Variants in STS observed in about 807,000 individuals in gnomAD.
The protein encoded by STS is steroid sulfatase.
STS carries 7 observed loss-of-function variants against 26.8 expected under a neutral mutation model. That is an observed-to-expected ratio of 0.26 (90% CI 0.15 to 0.49). STS has a LOEUF of 0.49. STS is among the 20% of genes least tolerant of loss of function. The pLI is 0.98. For synonymous variants in STS, 199 were observed against 189.4 expected (o/e 1.05, Z -0.42); for missense variants, 434 against 465.6 (o/e 0.93, Z 0.63).
intron 1 of STS, among the ~76,000 whole-genome samples, chrX:7,156,523 T>C (rs1601618340): frequency 9.0e-6 from 1 of 111,605 alleles, no homozygotes; most frequent in Non-Finnish European, 1.9e-5. Flanking sequence ...ACAATAACAT[T>C]TGGAAGCATC....
intron 7 of STS, among the ~76,000 whole-genome samples, chrX:7,283,550 C>CT: frequency 9.0e-6 from 1 of 111,466 alleles, no homozygotes; most frequent in Admixed American, 9.6e-5. Flanking sequence ...CAAGGGATGA[C>CT]TTACCAGGCT....
At chrX:7,153,358 TCTC>T (rs1371763527) in intron 1 of STS, among the ~76,000 whole-genome samples, 10 of 81,381 alleles carry the variant, frequency 1.2e-4, no homozygotes, top group Non-Finnish European at 2.1e-4. Flanking sequence ...TCCTTCCAGT[TCTC>T]CTCCTCCACT....
chrX:7,301,721 CT>C (rs1317637102), intron 7 of STS, among the ~76,000 whole-genome samples: 1 of 111,683 alleles, frequency 9.0e-6, no homozygotes, highest in Non-Finnish European at 1.9e-5. Flanking sequence ...CTCATCCCTC[CT>C]TTCTCCCAAG....
At chrX:7,148,771 A>G (rs1351135026) in intron 1 of STS, among the ~76,000 whole-genome samples, 1 of 112,411 alleles carries the variant, frequency 8.9e-6, no homozygotes, top group Non-Finnish European at 1.9e-5. Context: ...ATCTCTGAGC[A>G]TCCCAGGCTG....
intron 8 of STS, among the ~76,000 whole-genome samples, chrX:7,307,024 G>T (rs1687790916): frequency 9.0e-6 from 1 of 111,144 alleles, no homozygotes; most frequent in African/African-American, 3.3e-5. Context: ...GACCGGCTGA[G>T]CACCCATGGG....
At chrX:7,190,417 C>T (rs1328713532) in intron 1 of STS, among the ~76,000 whole-genome samples, 1 of 111,388 alleles carries the variant, frequency 9.0e-6, no homozygotes, top group Non-Finnish European at 1.9e-5. Flanking sequence ...CTTGGCTCAC[C>T]TGTTGTTTAC....
At chrX:7,280,658 A>G (rs950017825) in intron 7 of STS, among the ~76,000 whole-genome samples, 3 of 111,733 alleles carry the variant, frequency 2.7e-5, no homozygotes, top group Non-Finnish European at 5.6e-5. Context: ...TGTAGTTCTC[A>G]CCGGGGGTTT....
chrX:7,266,628 G>C (rs1290049752), intron 6 of STS, among the ~76,000 whole-genome samples: 5 of 112,077 alleles, frequency 4.5e-5, no homozygotes, highest in African/African-American at 1.6e-4. Context: ...CAGGAGATGG[G>C]TCATCCTGAA....
chrX:7,226,280 C>G (rs1739975643), intron 2 of STS, among the ~76,000 whole-genome samples: 1 of 111,954 alleles, frequency 8.9e-6, no homozygotes, highest in Non-Finnish European at 1.9e-5. Context: ...CTCTTTCACT[C>G]AACATAATGT....
At chrX:7,163,036 G>A (rs1255510188) in intron 1 of STS, among the ~76,000 whole-genome samples, 3 of 90,142 alleles carry the variant, frequency 3.3e-5, no homozygotes, top group African/African-American at 1.3e-4. Context: ...CAGCCTGGGC[G>A]ACAGAGCAAG....
At chrX:7,279,311 ATGTGTGTGTGTGTGTG>A (rs532132394) in intron 7 of STS, among the ~76,000 whole-genome samples, 4 of 78,117 alleles carry the variant, frequency 5.1e-5, no homozygotes, top group African/African-American at 1.1e-4. Flanking sequence ...ATATATATAT[ATGTGTGTGTGTGTGTG>A]TGTGTGTGTG....
chrX:7,194,211 C>T (rs1376182842), intron 2 of STS, among the ~76,000 whole-genome samples: 1 of 110,915 alleles, frequency 9.0e-6, no homozygotes, highest in African/African-American at 3.3e-5. Context: ...TGATTGGCAC[C>T]ATCAGCAAAG....
At chrX:7,193,376 T>G (rs762118713) in intron 2 of STS, among the ~76,000 whole-genome samples, 5 of 111,531 alleles carry the variant, frequency 4.5e-5, no homozygotes, top group African/African-American at 9.8e-5. Flanking sequence ...AGTAGGGTTT[T>G]TTGTTGTTGT....
chrX:7,195,089 C>T (rs1308358613), intron 2 of STS, among the ~76,000 whole-genome samples: 2 of 111,804 alleles, frequency 1.8e-5, no homozygotes, highest in African/African-American at 3.3e-5. Context: ...CATCGTTACC[C>T]GAAACATCGT....
intron 2 of STS, among the ~76,000 whole-genome samples, chrX:7,217,562 G>A (rs1452608271): frequency 9.0e-6 from 1 of 111,588 alleles, no homozygotes; most frequent in Admixed American, 9.5e-5. Flanking sequence ...AATTGCTCGG[G>A]CGTATGAGAG....
At chrX:7,184,243 G>A (rs1367716199) in intron 1 of STS, among the ~76,000 whole-genome samples, 1 of 111,875 alleles carries the variant, frequency 8.9e-6, no homozygotes, top group Non-Finnish European at 1.9e-5. Context: ...TAGGGAATTA[G>A]CTTCATCATA....
At chrX:7,273,954 C>T (rs1924407258) in intron 6 of STS, among the ~76,000 whole-genome samples, 1 of 111,155 alleles carries the variant, frequency 9.0e-6, no homozygotes, top group African/African-American at 3.3e-5. Context: ...AAAAGGGGAA[C>T]AGGCTCTCAG....
At chrX:7,192,490 G>A (rs889475460) in intron 2 of STS, among the ~76,000 whole-genome samples, 8 of 110,728 alleles carry the variant, frequency 7.2e-5, no homozygotes, top group South Asian at 3.9e-4. Flanking sequence ...CTTGAACCCC[G>A]GGGGCAGAGG....
intron 6 of STS, among the ~76,000 whole-genome samples, chrX:7,275,509 GGTA>G (rs1396591196): frequency 1.8e-5 from 2 of 110,935 alleles, no homozygotes; most frequent in Middle Eastern, 4.7e-3. Flanking sequence ...AATTTTAAAA[GGTA>G]GTCTTCTCTA....
Sources: gnomAD v4.1 joint callset for allele counts (sites outside exome capture counted in the v4.1 genomes callset) on GRCh38, gnomAD v4.1.1 for gene constraint, MANE v1.5 for transcripts, NCBI Gene and HGNC (gene_info 2026-07-23, HGNC 2026-07-21) for gene names.